Variants in CDH1 observed in about 807,000 individuals in gnomAD.
The protein encoded by CDH1 is cadherin-1.
CDH1 carries 35 observed loss-of-function variants against 84.5 expected under a neutral mutation model. That is an observed-to-expected ratio of 0.41 (90% CI 0.32 to 0.55). CDH1 has a LOEUF of 0.55. Ranked by LOEUF, CDH1 falls within the 20% of genes least tolerant of loss-of-function variation. CDH1 has a pLI of 0.19. For synonymous variants in CDH1, 417 were observed against 439.0 expected (o/e 0.95, Z 0.63); for missense variants, 994 against 1,126.6 (o/e 0.88, Z 1.68).
chr16:68,737,512 C>CCT (rs1962430152), intron 1 of CDH1, 49 bp downstream of exon 1: 3 of 1,447,374 alleles, frequency 2.1e-6, no homozygotes. Context: ...GCCGCAAGCT[C>CCT]CGCGCCCCAG....
intron 9 of CDH1, chr16:68,814,650 C>T (rs1159109548): frequency 6.6e-6 from 1 of 152,232 alleles, no homozygotes; most frequent in Non-Finnish European, 1.5e-5. Context: ...CTCCTTCCCT[C>T]AGCTCTTTCC....
intron 12 of CDH1, chr16:68,823,094 C>T (rs1187591303): frequency 8.2e-6 from 3 of 364,130 alleles, no homozygotes; most frequent in Non-Finnish European, 1.5e-5. Flanking sequence ...CCCTCAGGCA[C>T]ACGGGAGCCT....
intron 15 of CDH1, among the ~76,000 whole-genome samples, chr16:68,832,093 T>A (rs759947212): frequency 6.6e-6 from 1 of 151,952 alleles, no homozygotes; most frequent in Admixed American, 6.6e-5. Flanking sequence ...TGAGAACTCA[T>A]GGACACAAAG....
At chr16:68,766,882 C>G (rs1959405367) in intron 2 of CDH1, among the ~76,000 whole-genome samples, 1 of 151,992 alleles carries the variant, frequency 6.6e-6, no homozygotes, top group Non-Finnish European at 1.5e-5. Flanking sequence ...CACCCACCAT[C>G]ACGCCCGGCT....
At position 68,738,422 on chromosome 16, in the gene CDH1, G is replaced by T; in HGVS notation, c.163+11G>T. On this transcript the variant is annotated intron_variant, in intron 2 of 15. Transcript: ENST00000261769. ...GCGTCCTGGGCAGAGGTGAGGGCGC[G>T]CTGCCGGTGTCCCTGGGCGGAGTAG... The T allele has an allele frequency of 6.6e-7, 1 of 1,520,056 alleles. No individual in the cohort carries two copies. The highest frequency in any genetic ancestry group is 8.9e-7 in the Non-Finnish European group (1 of 1,120,452). 94.2% of individuals were successfully genotyped at this position (1,520,056 alleles called of 1,614,324 possible). A position where few individuals can be genotyped will look rare whatever the true frequency, so the allele number is the denominator to read the frequency against.
Position 68,801,851 on chromosome 16 carries a change from G to A in CDH1, c.345G>A (p.Thr115=), listed in dbSNP as rs1801023. The A allele has an allele frequency of 3.6e-3, 5,853 of 1,614,138 alleles. 28 individuals carry two copies. Among genetic ancestry groups the A allele is most frequent in the Middle Eastern group, 0.011 (66 of 6,056 alleles). The change falls in exon 3 of 16, where the codon ACG becomes ACA. Residue 115 remains threonine, a synonymous_variant. Transcript: ENST00000261769. ...ACAGAAAGTTTTCCACCAAAGTCAC[G>A]CTGAATACAGTGGGGCACCACCACC... The part of the protein sequence containing the change: ...STYRKFSTKV[T]LNTVGHHHRP...
At chr16:68,755,377 G>A (rs1382148670) in intron 2 of CDH1, among the ~76,000 whole-genome samples, 2 of 150,556 alleles carry the variant, frequency 1.3e-5, no homozygotes, top group Non-Finnish European at 3.0e-5. Flanking sequence ...GAAAAAGACT[G>A]TTCTCTAGTC....
At chr16:68,827,228 G>A (rs978887280) in intron 13 of CDH1, among the ~76,000 whole-genome samples, 6 of 151,972 alleles carry the variant, frequency 3.9e-5, no homozygotes, top group Admixed American at 6.6e-5. Flanking sequence ...CTGAGATTGC[G>A]CCACTACACT....
chr16:68,778,937 G>A (rs1333726277), intron 2 of CDH1, among the ~76,000 whole-genome samples: 2 of 152,166 alleles, frequency 1.3e-5, no homozygotes, highest in Non-Finnish European at 2.9e-5. Flanking sequence ...CAGAAGGCAG[G>A]AAGTTCTCTG....
Position 68,831,203 on chromosome 16 carries a change from C to T in CDH1, c.2439+1406C>T, listed in dbSNP as rs916512755. On this transcript the variant is annotated intron_variant, in intron 15 of 15. Transcript: ENST00000261769. ...ACACCATTCTCCTGGCTCAGCCTCC[C>T]GAGTAGCTGTGCCTACAGGCACCTG... Among the ~76,000 whole-genome samples, 4 of 149,960 alleles carry T rather than the reference C, an allele frequency of 2.7e-5. 1 individual carries two copies. The highest frequency in any genetic ancestry group is 9.8e-5 in the African/African-American group (4 of 40,686).
At chr16:68,737,912 G>C (rs868117703) in intron 1 of CDH1, among the ~76,000 whole-genome samples, 3 of 152,218 alleles carry the variant, frequency 2.0e-5, no homozygotes, top group Non-Finnish European at 4.4e-5. Context: ...TAGGAGTGAG[G>C]GTCCCGGGGA....
intron 2 of CDH1, among the ~76,000 whole-genome samples, chr16:68,742,803 G>C (rs773886786): frequency 1.3e-5 from 2 of 152,146 alleles, no homozygotes; most frequent in Non-Finnish European, 2.9e-5. Flanking sequence ...CTTTTAAAAA[G>C]CAAACCCAGA....
At chr16:68,822,257 G>A (rs1451729100) in intron 12 of CDH1, 32 bp downstream of exon 12, 1 of 1,452,808 alleles carries the variant, frequency 6.9e-7, no homozygotes, top group Non-Finnish European at 9.7e-7. Flanking sequence ...TGGCAACTTT[G>A]CTCCAACTGC....
In CDH1 at chr16:68,828,229, C is replaced by G. The variant is rs1961376847; in HGVS notation, c.2220C>G (p.Pro740=). ...GGAGGAGAGCGGTGGTCAAAGAGCC[C>G]TTACTGCCCCCAGAGGATGACACCC... The part of the protein sequence containing the change: ...FLRRRAVVKE[P]LLPPEDDTRD... The change falls in exon 14 of 16, where the codon CCC becomes CCG. Residue 740 remains proline (P), a synonymous_variant. Transcript: ENST00000261769. 2.5e-6 allele frequency: 4 copies of G among 1,613,890 alleles called. No homozygotes were observed. Among genetic ancestry groups the G allele is most frequent in the South Asian group, 1.1e-5 (1 of 91,076 alleles).
chr16:68,806,136 A>G (rs1001370392), intron 3 of CDH1, among the ~76,000 whole-genome samples: 25 of 120,312 alleles, frequency 2.1e-4, no homozygotes, highest in African/African-American at 6.2e-4. Context: ...TTATTTATTT[A>G]TTTATTTATT....
intron 2 of CDH1, among the ~76,000 whole-genome samples, chr16:68,798,078 CA>C (rs71148950): frequency 0.28 from 38,232 of 138,808 alleles, 5,022 homozygotes; most frequent in Middle Eastern, 0.35. Context: ...CACTCTGTCT[CA>C]AAAAAAAAAA....
Position 68,811,678 on chromosome 16 carries a change from T to C in CDH1, c.833-6T>C, listed in dbSNP as rs1399679461. 1.9e-6 allele frequency: 3 copies of C among 1,613,940 alleles called. No individual in the cohort carries two copies. Among genetic ancestry groups the C allele is most frequent in the South Asian group, 1.1e-5 (1 of 91,084 alleles). On this transcript the variant is annotated splice_region_variant and splice_polypyrimidine_tract_variant and intron_variant, in intron 6 of 15. Transcript: ENST00000261769. The stretch of plus-strand genomic sequence containing the variant: ...TCTAAACCTTCATCTCCTTGAACTC[T>C]TCCAGGAACCTCTGTGATGGAGGTC...
Position 68,813,347 on chromosome 16 carries a change from T to C in CDH1, c.1172T>C (p.Val391Ala), listed in dbSNP as rs1555515873. The C allele has an allele frequency of 6.2e-7, 1 of 1,614,118 alleles. No individual in the cohort carries two copies. The highest frequency in any genetic ancestry group is 8.5e-7 in the Non-Finnish European group (1 of 1,180,030). The change falls in exon 9 of 16, where the codon GTC becomes GCC. Residue 391 changes from valine to alanine, a missense_variant. Physicochemically the swap from Val to Ala is moderately conservative, Grantham distance 64. Around this residue, in one of 3 missense-constraint regions of CDH1, gnomAD observed 769 missense variants for 881.8 expected, o/e 0.87. Coordinates refer to ENST00000261769, the MANE Select transcript of CDH1 (RefSeq NM_004360.5). The stretch of plus-strand genomic sequence containing the variant: ...CAGGTGCCTGAGAACGAGGCTAACG[T>C]CGTAATCACCACACTGAAAGTGACT... ...KGQVPENEAN[V>A]VITTLKVTDA...
chr16:68,823,589 C>T lies in CDH1; in HGVS notation c.2127C>T (p.Ala709=). ...QPVEAGLQIP[A]ILGILGGILA... ...TCGAAGCAGGATTGCAAATTCCTGC[C>T]ATTCTGGGGATTCTTGGAGGAATTC... Residue 709 remains alanine, a synonymous_variant, in exon 13 of 16, where the codon GCC becomes GCT. Transcript: ENST00000261769. 6.2e-7 allele frequency: 1 copy of T among 1,613,428 alleles called. No individual in the cohort carries two copies. The highest frequency in any genetic ancestry group is 8.5e-7 in the Non-Finnish European group (1 of 1,179,890).
Sources: gnomAD v4.1 joint callset for allele counts (sites outside exome capture counted in the v4.1 genomes callset) on GRCh38, gnomAD v4.1.1 for gene constraint, gnomAD v4.1.1 regional missense constraint, MANE v1.5 for transcripts, NCBI Gene and HGNC (gene_info 2026-07-23, HGNC 2026-07-21) for gene names.